EPS8: variants seen among roughly 807,000 people sequenced by gnomAD.
The protein encoded by EPS8 is EGFR pathway substrate 8, signaling adaptor.
A neutral mutation model predicts 103.8 loss-of-function variants in EPS8; 42 were observed. The ratio of observed to expected loss-of-function variants is 0.40; its 90% CI spans 0.32 to 0.52. The LOEUF (loss-of-function observed/expected upper bound fraction) is 0.52. EPS8 is among the 20% of genes least tolerant of loss of function. EPS8 has a pLI of 0.40. For synonymous variants in EPS8, 344 were observed against 344.6 expected (o/e 1.00, Z 0.02); for missense variants, 969 against 1,005.1 (o/e 0.96, Z 0.49).
chr12:15,779,015 T>C lies in EPS8; in HGVS notation c.-22+10146A>G, dbSNP rs1947234047. Reference sequence around the variant, plus strand: ...TTTTTGAGATGGAGTTTCACTCTTGTTGCCCAGGCTGGAGTGCAATGGCGC... The same window carrying C: ...TTTTTGAGATGGAGTTTCACTCTTGCTGCCCAGGCTGGAGTGCAATGGCGC... On this transcript the variant is annotated intron_variant, in intron 1 of 20. Coordinates refer to ENST00000281172, the MANE Select transcript of EPS8 (RefSeq NM_004447.6). This position sits in a 1 kb window ranked among gnomAD's most constrained non-coding sequence, Gnocchi z 4.3. Among the ~76,000 whole-genome samples the C allele has an allele frequency of 6.6e-6, 1 of 152,138 alleles. No homozygotes were observed. Among genetic ancestry groups the C allele is most frequent in the African/African-American group, 2.4e-5 (1 of 41,428 alleles).
At chr12:15,756,430 A>G (rs1275923925) in intron 1 of EPS8, among the ~76,000 whole-genome samples, 1 of 152,234 alleles carries the variant, frequency 6.6e-6, no homozygotes, top group East Asian at 1.9e-4. Flanking sequence ...AATTATTCTT[A>G]TATCAGAACC....
At chr12:15,660,082 T>C (rs1945578130) in intron 10 of EPS8, among the ~76,000 whole-genome samples, 1 of 152,164 alleles carries the variant, frequency 6.6e-6, no homozygotes, top group South Asian at 2.1e-4. Flanking sequence ...GTCTCTGTGA[T>C]TTAGGTAAAA....
intron 1 of EPS8, among the ~76,000 whole-genome samples, chr12:15,710,104 C>G (rs1946442135): frequency 6.6e-6 from 1 of 151,902 alleles, no homozygotes; most frequent in Admixed American, 6.6e-5. Flanking sequence ...GGACCCCTGG[C>G]TTAAGGGATA....
chr12:15,757,023 C>G lies in EPS8; in HGVS notation c.-22+32138G>C, dbSNP rs1001624397. Reference sequence around the variant, plus strand: ...TCTTGAAATACAAATTAAGTATTACCCAATCTACACCCCTTAAATGCCATT... The same window carrying G: ...TCTTGAAATACAAATTAAGTATTACGCAATCTACACCCCTTAAATGCCATT... On this transcript the variant is annotated intron_variant, in intron 1 of 20. Coordinates refer to ENST00000281172, the MANE Select transcript of EPS8 (RefSeq NM_004447.6). The surrounding 1 kb of genome is among the most constrained non-coding windows in gnomAD (Gnocchi z 4.1). Among the ~76,000 whole-genome samples, 13 of 151,046 alleles carry G rather than the reference C, an allele frequency of 8.6e-5. No homozygotes were observed. The highest frequency in any genetic ancestry group is 3.2e-4 in the African/African-American group (13 of 41,094).
rs1946764882 is a variant in EPS8, at chr12:15,736,166, C to A, written c.-22+52995G>T. On this transcript the variant is annotated intron_variant, in intron 1 of 20. Transcript: ENST00000281172. The surrounding 1 kb of genome is among the most constrained non-coding windows in gnomAD (Gnocchi z 4.2). ...CCTGCTAAAGTGCTGGAATTACAAT[C>A]ATGAGCCACTGTGCCGGGCCGAGTT... 6.6e-6 allele frequency among the ~76,000 whole-genome samples: 1 copy of A among 152,190 alleles called. No individual in the cohort carries two copies. Among genetic ancestry groups the A allele is most frequent in the South Asian group, 2.1e-4 (1 of 4,832 alleles).
rs536814050 is a variant in EPS8, at chr12:15,728,081, A to C, written c.-21-45109T>G. The C allele has an allele frequency of 1.3e-5, 2 of 152,386 alleles. No individual in the cohort carries two copies. The highest frequency in any genetic ancestry group is 1.3e-4 in the Admixed American group (2 of 15,310). 9.4% of individuals were successfully genotyped at this position (152,386 alleles called of 1,614,324 possible). A position where few individuals can be genotyped will look rare whatever the true frequency, so the allele number is the denominator to read the frequency against. On this transcript the variant is annotated intron_variant, in intron 1 of 20. Transcript: ENST00000281172. This position sits in a 1 kb window ranked among gnomAD's most constrained non-coding sequence, Gnocchi z 4.5. ...GGGAATAATCAACAGATTAAAAAGCATTGATGTAGCTAATTCTACTAAATC... is the reference window on the plus strand; with the variant it reads ...GGGAATAATCAACAGATTAAAAAGCCTTGATGTAGCTAATTCTACTAAATC...
chr12:15,754,634 T>C (rs1462601049), intron 1 of EPS8, among the ~76,000 whole-genome samples: 1 of 152,254 alleles, frequency 6.6e-6, no homozygotes, highest in Non-Finnish European at 1.5e-5. Flanking sequence ...TTTTCCATAA[T>C]TGGAAATTAT....
intron 1 of EPS8, among the ~76,000 whole-genome samples, chr12:15,685,930 A>C (rs960007059): frequency 1.3e-5 from 2 of 152,202 alleles, no homozygotes; most frequent in Admixed American, 6.5e-5. Context: ...AGGTTTTTTT[A>C]ATCGCTTTTA....
chr12:15,621,250 G>A lies in EPS8; in HGVS notation c.*67C>T, dbSNP rs1378915815. 8 of 774,376 alleles carry A rather than the reference G, an allele frequency of 1.0e-5. No homozygotes were observed. Among genetic ancestry groups the A allele is most frequent in the African/African-American group, 9.3e-5 (5 of 53,872 alleles). The allele number at this position is 774,376 out of a possible 1,614,324, so 48.0% of individuals were successfully genotyped here. On this transcript the variant is annotated 3_prime_UTR_variant, in exon 21 of 21. Coordinates refer to ENST00000281172, the MANE Select transcript of EPS8 (RefSeq NM_004447.6). ...AAAATGAATCTGACATTCCCTTCAA[G>A]GCTTCTTAAAACAAAGCATGTTGGA...
rs372273749 is a variant in EPS8, at chr12:15,650,929, T to C, written c.1328A>G (p.Asn443Ser). 4.6e-5 allele frequency: 74 copies of C among 1,613,988 alleles called. No homozygotes were observed. Among genetic ancestry groups the C allele is most frequent in the Non-Finnish European group, 6.2e-5 (73 of 1,179,980 alleles). ...TTGTTCCATTGTGGCTCCCATAAAG[T>C]TCAGCATTGGGGGCTCCCAGCCATT... ...FRNGWEPPMLNFMGATMEQDL... is the reference protein window; with the variant it reads ...FRNGWEPPMLSFMGATMEQDL... Residue 443 changes from asparagine to serine, a missense_variant, in exon 14 of 21, where the codon AAC becomes AGC. Transcript: ENST00000281172.
chr12:15,768,708 G>A (rs1947123667), intron 1 of EPS8, among the ~76,000 whole-genome samples: 1 of 151,944 alleles, frequency 6.6e-6, no homozygotes, highest in Admixed American at 6.6e-5. Context: ...ATCTACACAG[G>A]GAAAAACTTT....
chr12:15,709,308 G>A (rs1206226140), intron 1 of EPS8, among the ~76,000 whole-genome samples: 2 of 152,026 alleles, frequency 1.3e-5, no homozygotes, highest in Non-Finnish European at 2.9e-5. Context: ...CAAAACACTG[G>A]TATAAAATGC....
In EPS8 at chr12:15,785,516, G is replaced by A. The variant is rs1012386208; in HGVS notation, c.-22+3645C>T. Among the ~76,000 whole-genome samples the A allele has an allele frequency of 6.6e-6, 1 of 152,090 alleles. No homozygotes were observed. The highest frequency in any genetic ancestry group is 1.5e-5 in the Non-Finnish European group (1 of 67,948). ...AATGAATTAGCATTACAGATAAAAT[G>A]TAAATTCATAGTTAAACATGGATAC... On this transcript the variant is annotated intron_variant, in intron 1 of 20. Coordinates refer to ENST00000281172, the MANE Select transcript of EPS8 (RefSeq NM_004447.6). The surrounding 1 kb of genome is among the most constrained non-coding windows in gnomAD (Gnocchi z 4.9).
chr12:15,663,936 A>T (rs1309631642), intron 8 of EPS8, among the ~76,000 whole-genome samples: 2 of 35,744 alleles, frequency 5.6e-5, no homozygotes, highest in African/African-American at 1.1e-4. Flanking sequence ...AAAAAAAAAA[A>T]AAAAAAAAAA....
At chr12:15,665,918 T>A in intron 7 of EPS8, 26 bp from the exon 8 acceptor site, 1 of 1,608,388 alleles carries the variant, frequency 6.2e-7, no homozygotes, top group Non-Finnish European at 8.5e-7. Context: ...ACAAATAGAA[T>A]TTTTACCATC....
intron 1 of EPS8, among the ~76,000 whole-genome samples, chr12:15,768,871 C>G (rs563366046): frequency 1.3e-5 from 2 of 152,240 alleles, no homozygotes; most frequent in South Asian, 4.2e-4. Context: ...GGTTTACACA[C>G]CTTTTGATTC....
At chr12:15,715,524 AC>A (rs1946523075) in intron 1 of EPS8, among the ~76,000 whole-genome samples, 2 of 151,118 alleles carry the variant, frequency 1.3e-5, no homozygotes, top group Non-Finnish European at 2.9e-5. Context: ...AGCTGGGACT[AC>A]TGGTGTGCGC....
chr12:15,673,796 A>T (rs1275385013), intron 3 of EPS8, among the ~76,000 whole-genome samples: 1 of 152,038 alleles, frequency 6.6e-6, no homozygotes, highest in Non-Finnish European at 1.5e-5. Flanking sequence ...AAGCTGCTCA[A>T]CTCCTAACAT....
At chr12:15,668,737 T>C (rs1246186307) in intron 6 of EPS8, among the ~76,000 whole-genome samples, 2 of 152,238 alleles carry the variant, frequency 1.3e-5, no homozygotes, top group Non-Finnish European at 1.5e-5. Context: ...TTCATTGCAG[T>C]AATCCATGCT....
Sources: allele counts gnomAD v4.1 joint callset (sites outside exome capture counted in the v4.1 genomes callset), GRCh38; gene constraint gnomAD v4.1.1; non-coding constraint Gnocchi (gnomAD v3.1); transcripts MANE v1.5; gene names NCBI Gene and HGNC (gene_info 2026-07-23, HGNC 2026-07-21).